TRAF2: variants seen among roughly 807,000 people sequenced by gnomAD.
TRAF2 encodes the protein TNF receptor associated factor 2.
TRAF2 carries 6 observed loss-of-function variants against 55.6 expected under a neutral mutation model. The ratio of observed to expected loss-of-function variants is 0.11; its 90% CI spans 0.06 to 0.21. TRAF2 has a LOEUF of 0.21. TRAF2 is among the 10% of genes least tolerant of loss of function. The probability of loss-of-function intolerance (pLI) is 1.00; values close to 1 mark genes in which losing one functional copy is unlikely to be tolerated. For missense variants in TRAF2, 561 were observed against 684.5 expected (o/e 0.82, Z 2.01); for synonymous variants, 329 against 276.3 (o/e 1.19, Z -1.89).
chr9:136,923,938 C>G lies in TRAF2; in HGVS notation c.1225C>G (p.Leu409Val). 1.2e-6 allele frequency: 2 copies of G among 1,614,066 alleles called. No homozygotes were observed. The highest frequency in any genetic ancestry group is 1.7e-6 in the Non-Finnish European group (2 of 1,180,018). The change falls in exon 10 of 11, where the codon CTC (leucine) becomes GTC (valine). Residue 409 changes from leucine to valine, a missense_variant. By Grantham distance (32) the Leu-to-Val change is conservative. Coordinates refer to ENST00000247668, the MANE Select transcript of TRAF2 (RefSeq NM_021138.4). ...CACCGGGCGAGGAACACACCTGTCC[C>G]TCTTCTTTGTGGTGATGAAGGGCCC... The part of the protein sequence containing the change: ...DGTGRGTHLS[L>V]FFVVMKGPND...
chr9:136,904,763 T>C (rs1184245315), intron 4 of TRAF2, among the ~76,000 whole-genome samples: 2 of 152,270 alleles, frequency 1.3e-5, no homozygotes, highest in Non-Finnish European at 2.9e-5. Flanking sequence ...GCTTTCGTTT[T>C]TAGGTTTCAT....
At position 136,908,657 on chromosome 9, in the gene TRAF2, G is replaced by C. The variant is rs565239132; in HGVS notation, c.528+426G>C. Among the ~76,000 whole-genome samples the C allele has an allele frequency of 2.0e-5, 3 of 152,242 alleles. No individual in the cohort carries two copies. The East Asian group carries it at 5.8e-4, about 29-fold the overall frequency. ...CGAGGCGGGCAGATCACGAGGTCAGGAGCTCGAGACCATCCTGGCTAACAT... is the reference window on the plus strand; with the variant it reads ...CGAGGCGGGCAGATCACGAGGTCAGCAGCTCGAGACCATCCTGGCTAACAT... On this transcript the variant is annotated intron_variant, in intron 5 of 10. Coordinates refer to ENST00000247668, the MANE Select transcript of TRAF2 (RefSeq NM_021138.4).
At chr9:136,896,484 G>A (rs1034406077) in intron 1 of TRAF2, among the ~76,000 whole-genome samples, 3 of 152,204 alleles carry the variant, frequency 2.0e-5, no homozygotes, top group Admixed American at 6.5e-5. Flanking sequence ...GTTGTGTTTC[G>A]AGTCTGTTCT....
rs1849455539 is a variant in TRAF2 at position 136,886,615 on chromosome 9, G to GGGCGCA, written c.-29+80_-29+85dup. 8.3e-6 allele frequency: 8 copies of GGGCGCA among 968,006 alleles called. No homozygotes were observed. The South Asian group carries it at 2.8e-4, about 33-fold the overall frequency. The allele number at this position is 968,006 out of a possible 1,614,324, so 60.0% of individuals were successfully genotyped here. ...CGGGTGCGGGGTCGGGCGCGGGGTCGGGCGCAGGCGCGGGCACCTCTCAGG... is the reference window on the plus strand; with the variant it reads ...CGGGTGCGGGGTCGGGCGCGGGGTCGGGCGCAGGCGCAGGCGCGGGCACCTCTCAGG... On this transcript the variant is annotated intron_variant, in intron 1 of 10. Transcript: ENST00000247668.
chr9:136,916,694 G>C, intron 7 of TRAF2, 79 bp downstream of exon 7: 1 of 1,425,504 alleles, frequency 7.0e-7, no homozygotes, highest in Non-Finnish European at 9.8e-7. Flanking sequence ...AGTGCTTCCT[G>C]GTTTCCTTCC....
At chr9:136,886,039 CCGCGCGCGA>C (rs927212346), upstream of TRAF2, 6 of 152,250 alleles carry the variant, frequency 3.9e-5, no homozygotes, top group East Asian at 1.9e-4. Context: ...GCCCCGCGTC[CCGCGCGCGA>C]CGCGCGCCTC....
intron 4 of TRAF2, among the ~76,000 whole-genome samples, chr9:136,906,586 G>A (rs1053857866): frequency 2.6e-5 from 4 of 152,166 alleles, no homozygotes; most frequent in African/African-American, 9.7e-5. Context: ...AATTCAAGAT[G>A]AGATTTGGGT....
intron 1 of TRAF2, among the ~76,000 whole-genome samples, chr9:136,889,243 AGTCTC>A (rs1471580970): frequency 2.4e-5 from 3 of 123,880 alleles, no homozygotes; most frequent in Non-Finnish European, 3.3e-5. Context: ...TTTGAGACGG[AGTCTC>A]GCTCTGTCCC....
intron 6 of TRAF2, among the ~76,000 whole-genome samples, chr9:136,913,731 G>A (rs931384772): frequency 3.9e-5 from 6 of 152,012 alleles, no homozygotes; most frequent in East Asian, 1.9e-4. Flanking sequence ...GTTCTTTGAC[G>A]ATGTAAACTA....
chr9:136,882,135 C>A, upstream of TRAF2: 1 of 773,790 alleles, frequency 1.3e-6, no homozygotes, highest in Non-Finnish European at 1.6e-6. Flanking sequence ...GCTCCATGTG[C>A]AAGCTGGGCT....
At chr9:136,921,331 A>G (rs904677734) in intron 9 of TRAF2, 116 bp downstream of exon 9, 30 of 1,311,934 alleles carry the variant, frequency 2.3e-5, no homozygotes, top group Non-Finnish European at 3.1e-5. Flanking sequence ...TACGACCCCC[A>G]GTGATACCGG....
intron 1 of TRAF2, among the ~76,000 whole-genome samples, chr9:136,894,125 C>G (rs555418956): frequency 6.2e-5 from 9 of 145,208 alleles, no homozygotes; most frequent in African/African-American, 1.8e-4. Context: ...CAGCTCACTG[C>G]AACCTCTGCT....
intron 1 of TRAF2, among the ~76,000 whole-genome samples, chr9:136,888,475 G>C (rs1371861268): frequency 6.6e-6 from 1 of 152,162 alleles, no homozygotes; most frequent in Non-Finnish European, 1.5e-5. Context: ...GTGGAGTCCA[G>C]TATTGTATGA....
At position 136,918,244 on chromosome 9, in the gene TRAF2, TA is replaced by T. The variant is rs1179246757; in HGVS notation, c.678+1630del. Among the ~76,000 whole-genome samples the T allele has an allele frequency of 2.2e-3, 101 of 45,846 alleles. 3 individuals carry two copies. The highest frequency in any genetic ancestry group is 0.016 in the African/African-American group (97 of 6,198). 30.1% of individuals were successfully genotyped at this position (45,846 alleles called of 152,430 possible). Reference sequence around the variant, plus strand: ...TGTTTTGTTTATATATATATATATATATATATATATATATTTATTTAATTAA... The same window carrying T: ...TGTTTTGTTTATATATATATATATATTATATATATATATTTATTTAATTAA... On this transcript the variant is annotated intron_variant, in intron 7 of 10. Transcript: ENST00000247668.
chr9:136,910,367 G>A (rs1460200076), intron 6 of TRAF2, among the ~76,000 whole-genome samples: 1 of 152,194 alleles, frequency 6.6e-6, no homozygotes, highest in Non-Finnish European at 1.5e-5. Flanking sequence ...CGGTTGGGGT[G>A]GAGACTGGGC....
intron 9 of TRAF2, among the ~76,000 whole-genome samples, chr9:136,923,216 CTG>C (rs530296974): frequency 2.4e-4 from 36 of 152,294 alleles, no homozygotes; most frequent in Admixed American, 3.3e-4. Flanking sequence ...AGGGCTCCCT[CTG>C]TGGCTCTGCC....
Position 136,908,183 on chromosome 9 carries a change from CCTG to C in TRAF2, c.481_483del (p.Leu161del). The C allele has an allele frequency of 1.2e-6, 2 of 1,601,044 alleles. No homozygotes were observed. The highest frequency in any genetic ancestry group is 1.7e-6 in the Non-Finnish European group (2 of 1,179,650). On this transcript the variant is annotated inframe_deletion, in exon 5 of 11. Transcript: ENST00000247668. ...TGGAGCACGAGTGCCCGGAGAGAAG[CCTG>C]AGCTGCCGGCATTGCCGGGCACCCT...
chr9:136,893,291 G>C (rs1849617191), intron 1 of TRAF2, among the ~76,000 whole-genome samples: 1 of 152,200 alleles, frequency 6.6e-6, no homozygotes, highest in Admixed American at 6.5e-5. Context: ...TAGGTTATAA[G>C]CATGTTTTCT....
chr9:136,906,855 A>C (rs527944021), intron 4 of TRAF2, among the ~76,000 whole-genome samples: 3 of 152,172 alleles, frequency 2.0e-5, no homozygotes, highest in Admixed American at 6.5e-5. Context: ...CTCCCGTTAC[A>C]CTAGCACCTT....
Sources: allele counts gnomAD v4.1 joint callset (sites outside exome capture counted in the v4.1 genomes callset), GRCh38; gene constraint gnomAD v4.1.1; transcripts MANE v1.5; gene names NCBI Gene and HGNC (gene_info 2026-07-23, HGNC 2026-07-21).